RBFOX3: variants seen among roughly 807,000 people sequenced by gnomAD.
The protein encoded by RBFOX3 is RNA binding protein fox-1 homolog 3.
RBFOX3 carries 17 observed loss-of-function variants against 48.7 expected under a neutral mutation model. The ratio of observed to expected loss-of-function variants is 0.35; its 90% confidence interval spans 0.24 to 0.52. RBFOX3 has a LOEUF of 0.52. Ranked by LOEUF, RBFOX3 falls within the 20% of genes least tolerant of loss-of-function variation. The probability of loss-of-function intolerance (pLI) is 0.94; values close to 1 mark genes in which losing one functional copy is unlikely to be tolerated. For synonymous variants in RBFOX3, 212 were observed against 209.5 expected, an observed-to-expected ratio of 1.01 and a Z score of -0.10; for missense variants, 382 against 497.5, an observed-to-expected ratio of 0.77 and a Z score of 2.21.
At chr17:79,138,711 ACC>A (rs10534927) in intron 4 of RBFOX3, among the ~76,000 whole-genome samples, 382 of 7,242 alleles carry the variant, frequency 0.053, 16 homozygotes, top group South Asian at 0.066. Flanking sequence ...ATGCGTTCAC[ACC>A]CCCTCACCCA....
intron 2 of RBFOX3, among the ~76,000 whole-genome samples, chr17:79,365,475 T>C (rs1252585052): frequency 6.6e-6 from 1 of 152,276 alleles, no homozygotes; most frequent in African/African-American, 2.4e-5. Context: ...TAATAGTACA[T>C]TTAATTCATA....
intron 2 of RBFOX3, among the ~76,000 whole-genome samples, chr17:79,326,439 A>G (rs973175349): frequency 2.0e-5 from 3 of 152,208 alleles, no homozygotes; most frequent in Non-Finnish European, 4.4e-5. Flanking sequence ...GCACAGGGGA[A>G]GGGAAGAGAG....
At chr17:79,633,118 G>A in the RBFOX3 span, among the ~76,000 whole-genome samples, 3 of 152,360 alleles carry the variant, frequency 2.0e-5, no homozygotes, top group East Asian at 1.9e-4. Context: ...TGTTGGCAAC[G>A]CCCCACAGTG....
At chr17:79,297,364 G>A (rs1366610697) in intron 3 of RBFOX3, among the ~76,000 whole-genome samples, 1 of 152,194 alleles carries the variant, frequency 6.6e-6, no homozygotes, top group Non-Finnish European at 1.5e-5. Flanking sequence ...CCTTTGGGAA[G>A]CACCAAAGCT....
chr17:79,550,442 A>G (rs1436452970), intron 1 of RBFOX3, among the ~76,000 whole-genome samples: 1 of 63,932 alleles, frequency 1.6e-5, no homozygotes, highest in Non-Finnish European at 3.9e-5. Context: ...AGCTCATGGT[A>G]AGGAAGTACA....
At chr17:79,496,571 C>T (rs1311229426) in intron 1 of RBFOX3, among the ~76,000 whole-genome samples, 1 of 152,198 alleles carries the variant, frequency 6.6e-6, no homozygotes, top group African/African-American at 2.4e-5. Context: ...GAGAAAGCTG[C>T]CCAGGCCCTG....
intron 4 of RBFOX3, among the ~76,000 whole-genome samples, chr17:79,152,727 C>A (rs1487332130): frequency 6.6e-6 from 1 of 152,198 alleles, no homozygotes; most frequent in African/African-American, 2.4e-5. Context: ...CTGTGGGGGG[C>A]ACCGAAGCAG....
At chr17:79,397,498 A>ACC (rs1031316895) in intron 2 of RBFOX3, among the ~76,000 whole-genome samples, 1 of 150,324 alleles carries the variant, frequency 6.7e-6, no homozygotes, top group Non-Finnish European at 1.5e-5. Context: ...ATCCCCAAAA[A>ACC]AAAAAAAAAA....
At chr17:79,094,914 G>A (rs1311668087) in intron 13 of RBFOX3, among the ~76,000 whole-genome samples, 2 of 151,996 alleles carry the variant, frequency 1.3e-5, no homozygotes, top group Admixed American at 6.6e-5. Flanking sequence ...GAAGAGAGAG[G>A]GTCAACGAGG....
At position 79,347,551 on chromosome 17, in the gene RBFOX3, C is replaced by T. The variant is rs148089434; in HGVS notation, c.-174-39727G>A. Reference sequence around the variant, plus strand: ...GTTAGAACTTTTCTATTTTCTTTTTCTTTGTGCTTTTCCTTATTTTTTTCT... The same window carrying T: ...GTTAGAACTTTTCTATTTTCTTTTTTTTTGTGCTTTTCCTTATTTTTTTCT... On this transcript the variant is annotated intron_variant, in intron 2 of 14. Transcript: ENST00000693108. Among the ~76,000 whole-genome samples, 166 of 152,080 alleles carry T rather than the reference C, an allele frequency of 1.1e-3. 2 individuals carry two copies. In the East Asian group the frequency reaches 0.028, roughly 26 times the overall value.
chr17:79,413,341 G>A (rs2148621496), intron 2 of RBFOX3, among the ~76,000 whole-genome samples: 1 of 152,348 alleles, frequency 6.6e-6, no homozygotes, highest in African/African-American at 2.4e-5. Flanking sequence ...GAGTCTCTGA[G>A]TGGAAGAATG....
At chr17:79,500,490 C>T (rs1017769094) in intron 1 of RBFOX3, among the ~76,000 whole-genome samples, 6 of 152,236 alleles carry the variant, frequency 3.9e-5, no homozygotes, top group Non-Finnish European at 8.8e-5. Flanking sequence ...CTCCTGACCT[C>T]AGGTGATCCT....
intron 9 of RBFOX3, chr17:79,097,994 C>G (rs1489241591): frequency 1.9e-6 from 1 of 539,950 alleles, no homozygotes; most frequent in Admixed American, 3.1e-5. Flanking sequence ...TCCTCCTCAG[C>G]CTGCCCCTGA....
chr17:79,238,589 A>G (rs1869934), intron 3 of RBFOX3, among the ~76,000 whole-genome samples: 93,702 of 152,120 alleles, frequency 0.62, 29,241 homozygotes, highest in Middle Eastern at 0.67. Flanking sequence ...CCCAGTCTTT[A>G]GGCCACATCA....
chr17:79,178,094 G>A (rs1033011219), intron 4 of RBFOX3, among the ~76,000 whole-genome samples: 6 of 152,026 alleles, frequency 3.9e-5, no homozygotes, highest in Admixed American at 6.6e-5. Flanking sequence ...CTTTCTCCTC[G>A]GCCATCACTG....
chr17:79,628,350 A>G, the RBFOX3 span, among the ~76,000 whole-genome samples: 1 of 151,520 alleles, frequency 6.6e-6, no homozygotes, highest in Admixed American at 6.6e-5. Context: ...CCCCTCGAAG[A>G]CTCCCCTGGA....
chr17:79,448,290 G>A (rs782602908), intron 2 of RBFOX3, among the ~76,000 whole-genome samples: 2 of 152,174 alleles, frequency 1.3e-5, no homozygotes, highest in African/African-American at 2.4e-5. Flanking sequence ...GTTAAATTGT[G>A]TCTCCCAAAA....
chr17:79,580,486 T>G (rs2093021164), intron 1 of RBFOX3, among the ~76,000 whole-genome samples: 1 of 151,970 alleles, frequency 6.6e-6, no homozygotes, highest in Admixed American at 6.6e-5. Context: ...CTTCCATCAC[T>G]CTGGGCATAG....
Position 79,443,389 on chromosome 17 carries a change from T to TA in RBFOX3, c.-175+39064_-175+39065insT, listed in dbSNP as rs2071558667. Among the ~76,000 whole-genome samples, 1 of 152,072 alleles carries TA rather than the reference T, an allele frequency of 6.6e-6. No homozygotes were observed. The highest frequency in any genetic ancestry group is 6.5e-5 in the Admixed American group (1 of 15,276). On this transcript the variant is annotated intron_variant, in intron 2 of 14. Coordinates refer to ENST00000693108, the MANE Select transcript of RBFOX3 (RefSeq NM_001350451.2). This position sits in a 1 kb window ranked among gnomAD's most constrained non-coding sequence, Gnocchi z 4.4. ...ACACTCACATACACCCTTGCCTCTT[T>TA]TTTTTTTCTTTTGAGACAGTCTTGC...
Sources: gnomAD v4.1 joint callset for allele counts (sites outside exome capture counted in the v4.1 genomes callset) on GRCh38, gnomAD v4.1.1 for gene constraint, Gnocchi (gnomAD v3.1) non-coding constraint, MANE v1.5 for transcripts, NCBI Gene and HGNC (gene_info 2026-07-23, HGNC 2026-07-21) for gene names.